AGPAT4: variants seen among roughly 807,000 people sequenced by gnomAD.
AGPAT4 encodes 1-acyl-sn-glycerol-3-phosphate acyltransferase delta.
AGPAT4 carries 15 observed loss-of-function variants against 48.0 expected under a neutral mutation model. The ratio of observed to expected loss-of-function variants is 0.31; its 90% CI spans 0.21 to 0.48. The LOEUF (loss-of-function observed/expected upper bound fraction) is 0.48, where lower values mean the gene tolerates loss of function less well. Ranked by LOEUF, AGPAT4 falls within the 20% of genes least tolerant of loss-of-function variation. The pLI, the probability that AGPAT4 is intolerant of heterozygous loss-of-function variation, is 0.99. For missense variants in AGPAT4, 314 were observed against 482.5 expected (o/e 0.65, Z 3.27); for synonymous variants, 178 against 198.7 (o/e 0.90, Z 0.88).
chr6:161,185,971 C>T (rs996195503), intron 2 of AGPAT4, among the ~76,000 whole-genome samples: 6 of 152,130 alleles, frequency 3.9e-5, no homozygotes, highest in African/African-American at 1.2e-4. Flanking sequence ...CTAAAGTTCC[C>T]GAAGAGTAAA....
chr6:161,172,477 G>A (rs1780292561), intron 2 of AGPAT4, among the ~76,000 whole-genome samples: 1 of 152,144 alleles, frequency 6.6e-6, no homozygotes, highest in South Asian at 2.1e-4. Flanking sequence ...AGAGAGCCAG[G>A]GGCACCAAAG....
At position 161,255,080 on chromosome 6, in the gene AGPAT4, G is replaced by A. The variant is rs1479232078; in HGVS notation, c.-90+18858C>T. Among the ~76,000 whole-genome samples, 5 of 152,124 alleles carry A rather than the reference G, an allele frequency of 3.3e-5. No homozygotes were observed. On this transcript the variant is annotated intron_variant, in intron 1 of 8. Transcript: ENST00000320285. This position sits in a 1 kb window ranked among gnomAD's most constrained non-coding sequence, Gnocchi z 4.7. The stretch of plus-strand genomic sequence containing the variant: ...ATACACTAAGTCTAGACAGGCCCTG[G>A]TTCCCTGTGATAAACTCCAGATCAT...
Position 161,164,209 on chromosome 6 carries a change from G to A in AGPAT4, c.348+2039C>T, listed in dbSNP as rs1006464288. ...TCCCGCTCCGTGAATGTCTCTTCCC[G>A]TCTGGGGGCTATGTCCTCTCTCTGG... On this transcript the variant is annotated intron_variant, in intron 3 of 8. Transcript: ENST00000320285. The surrounding 1 kb of genome is among the most constrained non-coding windows in gnomAD (Gnocchi z 7.4). 1.3e-5 allele frequency among the ~76,000 whole-genome samples: 2 copies of A among 152,302 alleles called. No homozygotes were observed. Among genetic ancestry groups the A allele is most frequent in the East Asian group, 1.9e-4 (1 of 5,180 alleles).
chr6:161,270,399 T>C lies in AGPAT4; in HGVS notation c.-90+3539A>G, dbSNP rs555105152. ...CCAAGCTCTAGGAAATGTTACATGA[T>C]TATTATGATTATATTTCAAAATAGG... On this transcript the variant is annotated intron_variant, in intron 1 of 8. Transcript: ENST00000320285. The surrounding 1 kb of genome is among the most constrained non-coding windows in gnomAD (Gnocchi z 5.3). Among the ~76,000 whole-genome samples, 1 of 152,296 alleles carries C rather than the reference T, an allele frequency of 6.6e-6. No individual in the cohort carries two copies. Among genetic ancestry groups the C allele is most frequent in the Non-Finnish European group, 1.5e-5 (1 of 68,030 alleles).
chr6:161,182,648 G>A (rs1780635286), intron 2 of AGPAT4, among the ~76,000 whole-genome samples: 1 of 152,232 alleles, frequency 6.6e-6, no homozygotes, highest in Non-Finnish European at 1.5e-5. Flanking sequence ...TGGGTAAAGG[G>A]CTGCTGCCAC....
In AGPAT4 at chr6:161,259,855, G is replaced by T. The variant is rs990626143; in HGVS notation, c.-90+14083C>A. Reference sequence around the variant, plus strand: ...TACAATGTCAGCACCTAGCTCCATGGTATCTATGTGCACGCTGCACCCCCA... The same window carrying T: ...TACAATGTCAGCACCTAGCTCCATGTTATCTATGTGCACGCTGCACCCCCA... On this transcript the variant is annotated intron_variant, in intron 1 of 8. Transcript: ENST00000320285. This position sits in a 1 kb window ranked among gnomAD's most constrained non-coding sequence, Gnocchi z 4.9. Among the ~76,000 whole-genome samples the T allele has an allele frequency of 5.3e-5, 8 of 152,134 alleles. No individual in the cohort carries two copies. Among genetic ancestry groups the T allele is most frequent in the African/African-American group, 1.9e-4 (8 of 41,440 alleles).
At chr6:161,203,381 CTTT>C (rs10585542) in intron 2 of AGPAT4, among the ~76,000 whole-genome samples, 36,626 of 111,442 alleles carry the variant, frequency 0.33, 5,853 homozygotes, top group African/African-American at 0.47. Flanking sequence ...CTTTTTCTTT[CTTT>C]TTTTTTTTTT....
At chr6:161,241,114 T>C (rs1489660891) in intron 1 of AGPAT4, among the ~76,000 whole-genome samples, 2 of 151,636 alleles carry the variant, frequency 1.3e-5, no homozygotes, top group Non-Finnish European at 2.9e-5. Flanking sequence ...AATACAAAAT[T>C]TAGCTGGGCG....
chr6:161,137,131 C>T lies in AGPAT4; in HGVS notation c.1043-497G>A, dbSNP rs1307646840. On this transcript the variant is annotated intron_variant, in intron 8 of 8. Coordinates refer to ENST00000320285, the MANE Select transcript of AGPAT4 (RefSeq NM_020133.3). The surrounding 1 kb of genome is among the most constrained non-coding windows in gnomAD (Gnocchi z 6.1). ...GCAGTGAGAAAATCCCCGCCCTCTC[C>T]TCTGACGGCAGGATTTGCCTACACC... is the stretch of plus-strand genomic sequence containing the variant. Among the ~76,000 whole-genome samples, 1 of 152,228 alleles carries T rather than the reference C, an allele frequency of 6.6e-6. No individual in the cohort carries two copies. Among genetic ancestry groups the T allele is most frequent in the Non-Finnish European group, 1.5e-5 (1 of 68,048 alleles).
At chr6:161,181,303 C>T (rs1238316364) in intron 2 of AGPAT4, among the ~76,000 whole-genome samples, 1 of 152,116 alleles carries the variant, frequency 6.6e-6, no homozygotes, top group African/African-American at 2.4e-5. Context: ...GCTCCCATCG[C>T]CTGCAGGTTC....
At chr6:161,241,884 T>C (rs1317350141) in intron 1 of AGPAT4, among the ~76,000 whole-genome samples, 1 of 152,080 alleles carries the variant, frequency 6.6e-6, no homozygotes, top group East Asian at 1.9e-4. Context: ...AGGCATGCAC[T>C]ATCACGCTCG....
intron 5 of AGPAT4, among the ~76,000 whole-genome samples, chr6:161,150,314 T>G (rs76020887): frequency 0.049 from 7,400 of 152,254 alleles, 215 homozygotes; most frequent in Non-Finnish European, 0.051. Flanking sequence ...CTTGGGCAGC[T>G]GGGGCTAGGT....
At chr6:161,187,364 A>G (rs539228552) in intron 2 of AGPAT4, among the ~76,000 whole-genome samples, 29 of 152,284 alleles carry the variant, frequency 1.9e-4, no homozygotes, top group African/African-American at 5.5e-4. Flanking sequence ...CATGCAAGGC[A>G]GGGTTTGCCC....
rs562335446 is a variant in AGPAT4, at chr6:161,196,897, G to A, written c.179-30480C>T. 6.6e-6 allele frequency among the ~76,000 whole-genome samples: 1 copy of A among 151,912 alleles called. No individual in the cohort carries two copies. The highest frequency in any genetic ancestry group is 1.5e-5 in the Non-Finnish European group (1 of 68,018). ...TGGATGGTCAAGAAAGTCACATCAG[G>A]ACTTGCTCACTGACCAAACATTTGG... On this transcript the variant is annotated intron_variant, in intron 2 of 8. Transcript: ENST00000320285. This position sits in a 1 kb window ranked among gnomAD's most constrained non-coding sequence, Gnocchi z 4.3.
rs1167916171 is a variant in AGPAT4, at chr6:161,131,671, G to C, written c.*4869C>G. On this transcript the variant is annotated 3_prime_UTR_variant, in exon 9 of 9. Transcript: ENST00000320285. ...TCCAATGAGGAGACACACTATGTAG[G>C]TGCAATTTCTGATTTCTTAGTTTTT... 2.0e-5 allele frequency: 3 copies of C among 152,178 alleles called. No individual in the cohort carries two copies. Among genetic ancestry groups the C allele is most frequent in the Non-Finnish European group, 4.4e-5 (3 of 68,048 alleles). The allele number at this position is 152,178 out of a possible 1,614,324, so 9.4% of individuals were successfully genotyped here. A position where few individuals can be genotyped will look rare whatever the true frequency, so the allele number is the denominator to read the frequency against.
chr6:161,268,788 A>AATT (rs1156408964), intron 1 of AGPAT4, among the ~76,000 whole-genome samples: 2 of 152,148 alleles, frequency 1.3e-5, no homozygotes, highest in African/African-American at 4.8e-5. Flanking sequence ...TTGTCCATAT[A>AATT]ATTTCCAGGC....
intron 2 of AGPAT4, among the ~76,000 whole-genome samples, chr6:161,186,022 G>A (rs1780758669): frequency 6.6e-6 from 1 of 152,160 alleles, no homozygotes; most frequent in Non-Finnish European, 1.5e-5. Flanking sequence ...ACTGCATGGA[G>A]TAGTGAGAAA....
In AGPAT4 at chr6:161,180,805, G is replaced by A. The variant is rs548060949; in HGVS notation, c.179-14388C>T. The stretch of plus-strand genomic sequence containing the variant: ...CACACTCACAACACCCTCACCTGGA[G>A]GTCAGTCGTCAAGTTACAGGGTGCC... On this transcript the variant is annotated intron_variant, in intron 2 of 8. Coordinates refer to ENST00000320285, the MANE Select transcript of AGPAT4 (RefSeq NM_020133.3). The surrounding 1 kb of genome is among the most constrained non-coding windows in gnomAD (Gnocchi z 6.4). Among the ~76,000 whole-genome samples the A allele has an allele frequency of 6.6e-6, 1 of 152,238 alleles. No homozygotes were observed. The highest frequency in any genetic ancestry group is 2.1e-4 in the South Asian group (1 of 4,814).
rs926128250 is a variant in AGPAT4 at position 161,245,414 on chromosome 6, C to T, written c.-89-13112G>A. Among the ~76,000 whole-genome samples, 4 of 152,296 alleles carry T rather than the reference C, an allele frequency of 2.6e-5. No homozygotes were observed. Among genetic ancestry groups the T allele is most frequent in the African/African-American group, 9.6e-5 (4 of 41,566 alleles). ...GGTTCTGGAAAATGGGAAATGGGGC[C>T]ACTTGTGCACGTGCCTTTAACCACA... On this transcript the variant is annotated intron_variant, in intron 1 of 8. Transcript: ENST00000320285. This position sits in a 1 kb window ranked among gnomAD's most constrained non-coding sequence, Gnocchi z 5.2.
Sources: gnomAD v4.1 joint callset for allele counts (sites outside exome capture counted in the v4.1 genomes callset) on GRCh38, gnomAD v4.1.1 for gene constraint, Gnocchi (gnomAD v3.1) non-coding constraint, MANE v1.5 for transcripts, NCBI Gene and HGNC (gene_info 2026-07-23, HGNC 2026-07-21) for gene names.